NRXN3: variants seen among roughly 807,000 people sequenced by gnomAD.
NRXN3 encodes neurexin 3, also known as neurexin III.
NRXN3 carries 32 observed loss-of-function variants against 137.6 expected under a neutral mutation model. That is an observed-to-expected ratio of 0.23 (90% CI 0.18 to 0.31). The LOEUF (loss-of-function observed/expected upper bound fraction) is 0.31, where lower values mean the gene tolerates loss of function less well. NRXN3 is among the 10% of genes least tolerant of loss of function. NRXN3 has a pLI of 1.00. For synonymous variants in NRXN3, 798 were observed against 784.5 expected, an observed-to-expected ratio of 1.02 and a Z score of -0.29; for missense variants, 1,574 against 2,062.5, an observed-to-expected ratio of 0.76 and a Z score of 4.59.
At chr14:78,545,475 A>G (rs2096628857) in intron 4 of NRXN3, among the ~76,000 whole-genome samples, 2 of 152,114 alleles carry the variant, frequency 1.3e-5, no homozygotes, top group African/African-American at 4.8e-5. Flanking sequence ...GTTCATATTA[A>G]TAACCTAGTA....
chr14:79,409,211 C>G (rs1036476879), intron 15 of NRXN3, among the ~76,000 whole-genome samples: 1 of 151,816 alleles, frequency 6.6e-6, no homozygotes, highest in Non-Finnish European at 1.5e-5. Flanking sequence ...AACAGGAGCT[C>G]AGGGTAGCAT....
chr14:78,199,900 T>G (rs1245333617), intron 1 of NRXN3, among the ~76,000 whole-genome samples: 1 of 152,196 alleles, frequency 6.6e-6, no homozygotes, highest in Non-Finnish European at 1.5e-5. Context: ...GCTCTCCCCC[T>G]GCAGTGGATA....
chr14:79,091,957 A>G (rs182283526), intron 15 of NRXN3, among the ~76,000 whole-genome samples: 138 of 152,264 alleles, frequency 9.1e-4, no homozygotes, highest in Non-Finnish European at 1.5e-3. Context: ...CGTAGAACTG[A>G]ATGTGATTTC....
intron 4 of NRXN3, among the ~76,000 whole-genome samples, chr14:78,316,291 G>A (rs2078703319): frequency 6.6e-6 from 1 of 151,828 alleles, no homozygotes; most frequent in African/African-American, 2.4e-5. Flanking sequence ...TGGGGGCGGG[G>A]GTGGCAGACA....
chr14:79,497,223 A>G (rs1456965394), intron 16 of NRXN3, among the ~76,000 whole-genome samples: 1 of 152,222 alleles, frequency 6.6e-6, no homozygotes, highest in African/African-American at 2.4e-5. Context: ...TGATGAAGCC[A>G]GAACGTAAAC....
At chr14:79,440,731 A>T (rs2095924384) in intron 15 of NRXN3, among the ~76,000 whole-genome samples, 1 of 152,102 alleles carries the variant, frequency 6.6e-6, no homozygotes, top group Admixed American at 6.6e-5. Flanking sequence ...AAAAACGACC[A>T]CACTTTCAAA....
At chr14:78,838,260 C>G (rs2099002461) in intron 10 of NRXN3, among the ~76,000 whole-genome samples, 1 of 152,124 alleles carries the variant, frequency 6.6e-6, no homozygotes, top group African/African-American at 2.4e-5. Flanking sequence ...TTAGACCATT[C>G]TATGCTTTTA....
chr14:78,288,756 A>T (rs1387048749), intron 3 of NRXN3, among the ~76,000 whole-genome samples: 1 of 152,226 alleles, frequency 6.6e-6, no homozygotes. Flanking sequence ...TGTCTTCCAC[A>T]GCATTAATGC....
intron 8 of NRXN3, among the ~76,000 whole-genome samples, chr14:78,756,657 A>T (rs1378022004): frequency 6.6e-6 from 1 of 152,030 alleles, no homozygotes; most frequent in Non-Finnish European, 1.5e-5. Context: ...TTAAAAATTG[A>T]CTTTGTTTAA....
intron 15 of NRXN3, among the ~76,000 whole-genome samples, chr14:79,301,187 C>A (rs1054447010): frequency 1.3e-5 from 2 of 151,962 alleles, no homozygotes; most frequent in Non-Finnish European, 2.9e-5. Flanking sequence ...AAGTTGGTGT[C>A]GTCATTGCAA....
intron 15 of NRXN3, among the ~76,000 whole-genome samples, chr14:79,025,794 G>A (rs910453854): frequency 6.6e-6 from 1 of 152,146 alleles, no homozygotes; most frequent in African/African-American, 2.4e-5. Context: ...CCAGTTAGAG[G>A]TTGAAGACAT....
intron 17 of NRXN3, among the ~76,000 whole-genome samples, 174 bp from the exon 18 acceptor site, chr14:79,691,999 C>G (rs1175887149): frequency 6.6e-6 from 1 of 152,040 alleles, no homozygotes; most frequent in Non-Finnish European, 1.5e-5. Context: ...TAAGACTAAC[C>G]TGACCTTTAA....
At chr14:79,471,932 C>A (rs1021984652) in intron 16 of NRXN3, among the ~76,000 whole-genome samples, 1 of 152,074 alleles carries the variant, frequency 6.6e-6, no homozygotes, top group Non-Finnish European at 1.5e-5. Flanking sequence ...CAGATTATTT[C>A]ATCGCCCAGG....
At chr14:79,319,198 C>T (rs996767235) in intron 15 of NRXN3, among the ~76,000 whole-genome samples, 1 of 152,068 alleles carries the variant, frequency 6.6e-6, no homozygotes, top group African/African-American at 2.4e-5. Context: ...AAAAGTATTC[C>T]CAGACTTTCA....
At chr14:78,743,674 A>G (rs1408980824) in intron 8 of NRXN3, among the ~76,000 whole-genome samples, 1 of 152,214 alleles carries the variant, frequency 6.6e-6, no homozygotes, top group East Asian at 1.9e-4. Flanking sequence ...AGACCAAGGC[A>G]CAAAATATTT....
At chr14:78,960,352 T>TA (rs2099405684) in intron 11 of NRXN3, among the ~76,000 whole-genome samples, 1 of 152,220 alleles carries the variant, frequency 6.6e-6, no homozygotes, top group Non-Finnish European at 1.5e-5. Context: ...GAAACTAAAA[T>TA]ACCCACAGTC....
intron 15 of NRXN3, among the ~76,000 whole-genome samples, chr14:79,385,311 T>C (rs1356910021): frequency 2.0e-5 from 3 of 149,184 alleles, no homozygotes; most frequent in African/African-American, 7.4e-5. Context: ...TATGTGGTGT[T>C]TGGTTTTTTG....
intron 19 of NRXN3, among the ~76,000 whole-genome samples, chr14:79,755,441 T>C (rs2099016043): frequency 6.6e-6 from 1 of 152,108 alleles, no homozygotes; most frequent in Non-Finnish European, 1.5e-5. Flanking sequence ...ATCCCTTGCT[T>C]TCTGGTTTTC....
chr14:78,987,820 T>TGTGGC (rs2099510153), intron 14 of NRXN3, among the ~76,000 whole-genome samples: 1 of 152,162 alleles, frequency 6.6e-6, no homozygotes, highest in African/African-American at 2.4e-5. Context: ...GTTGATAGTT[T>TGTGGC]GTGGCTAAGT....
Sources: allele counts gnomAD v4.1 joint callset (sites outside exome capture counted in the v4.1 genomes callset), GRCh38; gene constraint gnomAD v4.1.1; transcripts MANE v1.5; gene names NCBI Gene and HGNC (gene_info 2026-07-23, HGNC 2026-07-21).